LOXL3: variants seen among roughly 807,000 people sequenced by gnomAD.
The protein encoded by LOXL3 is lysyl oxidase homolog 3.
LOXL3 carries 60 observed loss-of-function variants against 91.8 expected under a neutral mutation model. That is an observed-to-expected ratio of 0.65 (90% confidence interval 0.53 to 0.81). LOXL3 has a LOEUF of 0.81. Among genes scored for constraint, LOXL3 ranks in the 30% least tolerant of loss-of-function variants. The pLI, the probability that LOXL3 is intolerant of heterozygous loss-of-function variation, is 0.00. For synonymous variants in LOXL3, 355 were observed against 387.6 expected (o/e 0.92, Z 0.99); for missense variants, 874 against 1,000.4 (o/e 0.87, Z 1.70).
At chr2:74,544,972 C>A (rs1676520807) in intron 4 of LOXL3, among the ~76,000 whole-genome samples, 1 of 152,206 alleles carries the variant, frequency 6.6e-6, no homozygotes, top group Non-Finnish European at 1.5e-5. Context: ...CTTTCTCCAG[C>A]CTTTATATCC....
chr2:74,549,261 A>AC lies in LOXL3; in HGVS notation c.692+107dup. The AC allele has an allele frequency of 7.8e-7, 1 of 1,284,924 alleles. No individual in the cohort carries two copies. Among genetic ancestry groups the AC allele is most frequent in the Non-Finnish European group, 1.0e-6 (1 of 971,970 alleles). The allele number at this position is 1,284,924 out of a possible 1,614,324, so 79.6% of individuals were successfully genotyped here. ...CCTCCATATTTTCCCGCGCGTCCCG[A>AC]CCCCCGGGTCCTCCCGTGCCCCGGA... On this transcript the variant is annotated intron_variant, in intron 4 of 13. Coordinates refer to ENST00000264094, the MANE Select transcript of LOXL3 (RefSeq NM_032603.5). The surrounding 1 kb of genome is among the most constrained non-coding windows in gnomAD (Gnocchi z 5.3).
rs548268627 is a variant in LOXL3, at chr2:74,535,752, G to A, written c.1252C>T (p.Arg418Ter). 8 of 1,561,636 alleles carry A rather than the reference G, an allele frequency of 5.1e-6. No individual in the cohort carries two copies. Among genetic ancestry groups the A allele is most frequent in the South Asian group, 2.5e-5 (2 of 81,602 alleles). ...TGTTGGCTGCGGCCCCCACTGAGTC[G>A]GATCTGTAGTGACACAGAATGGAAG... ...LPYTGAETRI[R>*]LSGGRSQHEG... Residue 418 changes from arginine to a stop codon, truncating the protein, a stop_gained, in exon 8 of 14, where the codon CGA becomes TGA. Transcript: ENST00000264094. LOFTEE classifies it high-confidence loss of function. The surrounding 1 kb of genome is among the most constrained non-coding windows in gnomAD (Gnocchi z 4.2).
Position 74,536,935 on chromosome 2 carries a change from G to A in LOXL3, c.693-7C>T. On this transcript the variant is annotated splice_region_variant and splice_polypyrimidine_tract_variant and intron_variant, in intron 4 of 13. Coordinates refer to ENST00000264094, the MANE Select transcript of LOXL3 (RefSeq NM_032603.5). The surrounding 1 kb of genome is among the most constrained non-coding windows in gnomAD (Gnocchi z 4.5). The stretch of plus-strand genomic sequence containing the variant: ...CTGCCGTTGGGCTAGCAGCCTAGGG[G>A]GACAGGAGTGAGGTGCAGTAGGGTA... The A allele has an allele frequency of 6.2e-6, 10 of 1,613,384 alleles. No individual in the cohort carries two copies. The highest frequency in any genetic ancestry group is 8.5e-6 in the Non-Finnish European group (10 of 1,179,460).
chr2:74,542,480 C>T (rs1276470185), intron 4 of LOXL3, among the ~76,000 whole-genome samples: 1 of 151,974 alleles, frequency 6.6e-6, no homozygotes, highest in Non-Finnish European at 1.5e-5. Context: ...TTCTTTTTCT[C>T]AACTGAATCC....
rs1048179601 is a variant in LOXL3, at chr2:74,549,648, T to TAAGG, written c.478-69_478-66dup. The TAAGG allele has an allele frequency of 2.0e-6, 3 of 1,522,300 alleles. No individual in the cohort carries two copies. The African/African-American group carries it at 4.1e-5, about 21-fold the overall frequency. The allele number at this position is 1,522,300 out of a possible 1,614,324, so 94.3% of individuals were successfully genotyped here. ...CACCTTTCATGTGTCCCGCCGCCCT[T>TAAGG]AAGGAACCCTGCTTGGTGTGCCTGC... On this transcript the variant is annotated intron_variant, in intron 3 of 13. Transcript: ENST00000264094. The surrounding 1 kb of genome is among the most constrained non-coding windows in gnomAD (Gnocchi z 5.3).
intron 4 of LOXL3, among the ~76,000 whole-genome samples, chr2:74,538,021 A>G (rs761052434): frequency 1.3e-5 from 2 of 152,196 alleles, no homozygotes; most frequent in Admixed American, 6.5e-5. Context: ...GAGGAGGAAA[A>G]GTTTATACAC....
chr2:74,552,744 T>C (rs1266293180), intron 1 of LOXL3, 98 bp from the exon 2 acceptor site: 10 of 1,062,692 alleles, frequency 9.4e-6, no homozygotes, highest in Non-Finnish European at 4.0e-6. Flanking sequence ...AAACAGACAC[T>C]GAGTAAGACA....
intron 1 of LOXL3, among the ~76,000 whole-genome samples, chr2:74,553,340 CG>C (rs963390338): frequency 1.3e-5 from 2 of 152,212 alleles, no homozygotes; most frequent in African/African-American, 4.8e-5. Flanking sequence ...ACCTGCTGCA[CG>C]CCCTCCCCAA....
At chr2:74,548,477 CG>C (rs981399098) in intron 4 of LOXL3, among the ~76,000 whole-genome samples, 14 of 152,078 alleles carry the variant, frequency 9.2e-5, no homozygotes, top group African/African-American at 3.1e-4. Context: ...CAGTAGCTGG[CG>C]GCATCAGACC....
chr2:74,542,465 A>G lies in LOXL3; in HGVS notation c.693-5537T>C, dbSNP rs537633170. On this transcript the variant is annotated intron_variant, in intron 4 of 13. Coordinates refer to ENST00000264094, the MANE Select transcript of LOXL3 (RefSeq NM_032603.5). The stretch of plus-strand genomic sequence containing the variant: ...CTTACAATTTTTCTCAGTCCTGCAT[A>G]CCATTTCTTTTTCTCAACTGAATCC... Among the ~76,000 whole-genome samples, 6 of 152,020 alleles carry G rather than the reference A, an allele frequency of 3.9e-5. No individual in the cohort carries two copies. The East Asian group carries it at 7.7e-4, about 20-fold the overall frequency.
At chr2:74,542,394 T>A (rs1349586172) in intron 4 of LOXL3, among the ~76,000 whole-genome samples, 1 of 152,148 alleles carries the variant, frequency 6.6e-6, no homozygotes, top group Non-Finnish European at 1.5e-5. Flanking sequence ...TTCAACTATT[T>A]TTCTTCTCTA....
At chr2:74,543,169 G>C (rs996751792) in intron 4 of LOXL3, among the ~76,000 whole-genome samples, 1 of 152,112 alleles carries the variant, frequency 6.6e-6, no homozygotes, top group African/African-American at 2.4e-5. Context: ...CTGACTCCTA[G>C]GCAGTGTGCC....
rs1397093089 is a variant in LOXL3, at chr2:74,536,436, T to A, written c.948A>T (p.Gly316=). ...RVRLKGGAHP[G]EGRVEVLKAS... is the part of the protein sequence containing the mutation. ...CCTTCAGGACTTCTACCCGGCCCTC[T>A]CCAGGGTGGGCGCCGCCCTTTAGAC... is the stretch of plus-strand genomic sequence containing the variant. The change falls in exon 6 of 14, where the codon GGA becomes GGT. Residue 316 remains glycine (G), a synonymous_variant. Coordinates refer to ENST00000264094, the MANE Select transcript of LOXL3 (RefSeq NM_032603.5). This position sits in a 1 kb window ranked among gnomAD's most constrained non-coding sequence, Gnocchi z 4.5. 1 of 1,613,898 alleles carries A rather than the reference T, an allele frequency of 6.2e-7. No homozygotes were observed. The highest frequency in any genetic ancestry group is 1.1e-5 in the South Asian group (1 of 91,062).
Position 74,535,416 on chromosome 2 carries a change from C to T in LOXL3, c.1455G>A (p.Val485=). The change falls in exon 9 of 14, where the codon GTG becomes GTA. Residue 485 remains valine, a synonymous_variant. Coordinates refer to ENST00000264094, the MANE Select transcript of LOXL3 (RefSeq NM_032603.5). This position sits in a 1 kb window ranked among gnomAD's most constrained non-coding sequence, Gnocchi z 4.2. ...CTGTGCAGCGCACTCCACTCATCACCACCTCTGTTATATTCCCAGAGTCCC... is the reference window on the plus strand; with the variant it reads ...CTGTGCAGCGCACTCCACTCATCACTACCTCTGTTATATTCCCAGAGTCCC... ...WYWDSGNITE[V]VMSGVRCTGT... is the part of the protein sequence containing the mutation. 3 of 1,614,098 alleles carry T rather than the reference C, an allele frequency of 1.9e-6. No homozygotes were observed. Among genetic ancestry groups the T allele is most frequent in the Non-Finnish European group, 2.5e-6 (3 of 1,180,032 alleles).
rs767597773 is a variant in LOXL3 at position 74,534,026 on chromosome 2, G to C, written c.2077-33C>G. 3.1e-6 allele frequency: 5 copies of C among 1,611,472 alleles called. 1 individual carries two copies. Among genetic ancestry groups the C allele is most frequent in the Middle Eastern group, 3.3e-4 (2 of 6,062 alleles). On this transcript the variant is annotated intron_variant, in intron 12 of 13. Transcript: ENST00000264094. The stretch of plus-strand genomic sequence containing the variant: ...TGAGAAAAAGGCCACTTAACCCAGC[G>C]ACAATCCTCGAATTCAAAGGTGTCT...
intron 4 of LOXL3, among the ~76,000 whole-genome samples, chr2:74,543,900 C>CAAAAAAAAAA (rs960168777): frequency 1.6e-3 from 102 of 64,578 alleles, no homozygotes; most frequent in Middle Eastern, 0.024. Flanking sequence ...GGCTCTGTCT[C>CAAAAAAAAAA]AAAAAAAAAA....
rs1366618812 is a variant in LOXL3, at chr2:74,535,782, G to A, written c.1249-27C>T. On this transcript the variant is annotated intron_variant, in intron 7 of 13. Transcript: ENST00000264094. The surrounding 1 kb of genome is among the most constrained non-coding windows in gnomAD (Gnocchi z 4.2). ...TGTAGTGACACAGAATGGAAGCGCT[G>A]GAGAAAGCTTTGGGGTGAGGTAGTG... 2 of 1,534,718 alleles carry A rather than the reference G, an allele frequency of 1.3e-6. No homozygotes were observed. The highest frequency in any genetic ancestry group is 1.7e-6 in the Non-Finnish European group (2 of 1,147,180).
In LOXL3 at chr2:74,549,325, A is replaced by C. The variant is rs945063230; in HGVS notation, c.692+44T>G. ...CTCCCAAGGCTATTCATCAGGGAGC[A>C]CCCCAATCCCGGCCTGCTCCGCCCG... On this transcript the variant is annotated intron_variant, in intron 4 of 13. Transcript: ENST00000264094. This position sits in a 1 kb window ranked among gnomAD's most constrained non-coding sequence, Gnocchi z 5.3. The C allele has an allele frequency of 8.6e-6, 13 of 1,515,750 alleles. No individual in the cohort carries two copies. Among genetic ancestry groups the C allele is most frequent in the Non-Finnish European group, 1.2e-5 (13 of 1,126,582 alleles). The allele number at this position is 1,515,750 out of a possible 1,614,324, so 93.9% of individuals were successfully genotyped here. A position where few individuals can be genotyped will look rare whatever the true frequency, so the allele number is the denominator to read the frequency against.
At position 74,534,580 on chromosome 2, in the gene LOXL3, A is replaced by G. The variant is rs370971636; in HGVS notation, c.1774T>C (p.Phe592Leu). ...GAGTGGCGCCCAGCCTTGGGCCTGA[A>G]GTCAGCTCGTCCCAGGTTGTGGATC... The part of the protein sequence containing the change: ...SQIHNLGRAD[F>L]RPKAGRHSWV... The change falls in exon 10 of 14, where the codon TTC becomes CTC. Residue 592 changes from phenylalanine (F) to leucine (L), a missense_variant. Phe to Leu is a conservative substitution (Grantham distance 22). Transcript: ENST00000264094. 6.2e-7 allele frequency: 1 copy of G among 1,614,224 alleles called. No homozygotes were observed. The highest frequency in any genetic ancestry group is 8.5e-7 in the Non-Finnish European group (1 of 1,180,028).
Sources: allele counts gnomAD v4.1 joint callset (sites outside exome capture counted in the v4.1 genomes callset), GRCh38; gene constraint gnomAD v4.1.1; non-coding constraint Gnocchi (gnomAD v3.1); transcripts MANE v1.5; gene names NCBI Gene and HGNC (gene_info 2026-07-23, HGNC 2026-07-21).